The following DCC variants were observed in gnomAD, a reference collection of about 807,000 sequenced individuals.
DCC encodes netrin receptor DCC.
A neutral mutation model predicts 172.5 loss-of-function variants in DCC; 58 were observed. That is an observed-to-expected ratio of 0.34 (90% CI 0.27 to 0.42). The LOEUF (loss-of-function observed/expected upper bound fraction) is 0.42, where lower values mean the gene tolerates loss of function less well. Ranked by LOEUF, DCC falls within the 10% of genes least tolerant of loss-of-function variation. The pLI, the probability that DCC is intolerant of heterozygous loss-of-function variation, is 1.00. For missense variants in DCC, 1,740 were observed against 1,791.0 expected (o/e 0.97, Z 0.51); for synonymous variants, 709 against 644.5 (o/e 1.10, Z -1.52).
chr18:52,933,695 T>G (rs1351219970), intron 5 of DCC, among the ~76,000 whole-genome samples: 1 of 152,054 alleles, frequency 6.6e-6, no homozygotes, highest in Non-Finnish European at 1.5e-5. Flanking sequence ...TAGCCAGCTA[T>G]GTAAACCTCT....
chr18:52,340,914 C>T, intron 1 of DCC, 36 bp downstream of exon 1: 1 of 1,445,504 alleles, frequency 6.9e-7, no homozygotes, highest in Non-Finnish European at 9.7e-7. Context: ...GTCGCACCCC[C>T]TTCCGTACCC....
At chr18:53,045,878 A>G (rs1410316672) in intron 5 of DCC, among the ~76,000 whole-genome samples, 2 of 151,930 alleles carry the variant, frequency 1.3e-5, no homozygotes, top group African/African-American at 4.8e-5. Flanking sequence ...TGGCTTTTAA[A>G]TATTCAGCAA....
intron 3 of DCC, among the ~76,000 whole-genome samples, chr18:52,909,502 ATG>A (rs1163114001): frequency 3.9e-5 from 6 of 152,142 alleles, no homozygotes; most frequent in African/African-American, 1.4e-4. Context: ...GTTTGAATTT[ATG>A]TGTGTTTATA....
intron 8 of DCC, among the ~76,000 whole-genome samples, chr18:53,161,800 C>T (rs1401655672): frequency 2.0e-5 from 3 of 152,004 alleles, no homozygotes; most frequent in East Asian, 3.9e-4. Context: ...TTATGAAATC[C>T]GTCATCAACT....
intron 2 of DCC, among the ~76,000 whole-genome samples, chr18:52,805,308 T>C (rs949503964): frequency 6.6e-6 from 1 of 152,204 alleles, no homozygotes; most frequent in South Asian, 2.1e-4. Flanking sequence ...AAAAGTCATC[T>C]TAGGAACTTT....
intron 1 of DCC, among the ~76,000 whole-genome samples, chr18:52,418,878 T>G (rs1206877249): frequency 1.1e-4 from 10 of 90,714 alleles, no homozygotes; most frequent in African/African-American, 9.6e-5. Context: ...TTTTTTTTTT[T>G]GAGATGGAGT....
rs116921679 is a variant in DCC at position 53,127,339 on chromosome 18, T to G, written c.1262-30017T>G. On this transcript the variant is annotated intron_variant, in intron 7 of 28. Transcript: ENST00000442544. Reference sequence around the variant, plus strand: ...TAATTCTTAATGGTCATCAGGATTATTCGGATAGAGCTTCCGATTCCCTCA... The same window carrying G: ...TAATTCTTAATGGTCATCAGGATTAGTCGGATAGAGCTTCCGATTCCCTCA... Among the ~76,000 whole-genome samples the G allele has an allele frequency of 8.0e-3, 1,211 of 152,068 alleles. 16 individuals carry two copies. The highest frequency in any genetic ancestry group is 0.01 in the Middle Eastern group (3 of 294).
chr18:52,845,082 T>C (rs2038864185), intron 2 of DCC, among the ~76,000 whole-genome samples: 1 of 152,146 alleles, frequency 6.6e-6, no homozygotes, highest in Non-Finnish European at 1.5e-5. Context: ...CAGTGAAAAA[T>C]GAACTCACTG....
chr18:53,076,305 T>C (rs1324745222), intron 7 of DCC, among the ~76,000 whole-genome samples: 1 of 152,156 alleles, frequency 6.6e-6, no homozygotes, highest in Non-Finnish European at 1.5e-5. Flanking sequence ...CTGGGAGTCA[T>C]GGTAAGCAGT....
In DCC at chr18:52,462,681, C is replaced by T. The variant is rs375570461; in HGVS notation, c.91+121803C>T. 3.9e-5 allele frequency among the ~76,000 whole-genome samples: 6 copies of T among 151,946 alleles called. No homozygotes were observed. The South Asian group carries it at 1.2e-3, about 32-fold the overall frequency. Reference sequence around the variant, plus strand: ...TAGGACTCACTACCATGTCATACACCGTCTGTTTGTTTATGTATTATTATT... The same window carrying T: ...TAGGACTCACTACCATGTCATACACTGTCTGTTTGTTTATGTATTATTATT... On this transcript the variant is annotated intron_variant, in intron 1 of 28. Coordinates refer to ENST00000442544, the MANE Select transcript of DCC (RefSeq NM_005215.4).
chr18:53,522,403 A>G (rs2046408669), intron 27 of DCC, among the ~76,000 whole-genome samples: 1 of 152,136 alleles, frequency 6.6e-6, no homozygotes, highest in African/African-American at 2.4e-5. Flanking sequence ...ATCTTCACAG[A>G]ATTAGAAAAA....
At chr18:53,471,078 A>G (rs555280193) in intron 25 of DCC, among the ~76,000 whole-genome samples, 3 of 152,160 alleles carry the variant, frequency 2.0e-5, no homozygotes, top group Non-Finnish European at 4.4e-5. Context: ...TATCCAAGCT[A>G]CCATCATCTC....
intron 2 of DCC, among the ~76,000 whole-genome samples, chr18:52,896,454 T>C (rs916081604): frequency 2.0e-5 from 3 of 152,170 alleles, no homozygotes; most frequent in African/African-American, 7.2e-5. Context: ...CACTATTCAT[T>C]ATTTGCTATC....
intron 27 of DCC, among the ~76,000 whole-genome samples, chr18:53,513,668 T>G (rs938877473): frequency 2.0e-5 from 3 of 151,918 alleles, no homozygotes; most frequent in African/African-American, 7.3e-5. Context: ...GCAATCCTAG[T>G]TCTGATAAAA....
intron 7 of DCC, among the ~76,000 whole-genome samples, chr18:53,118,104 A>G (rs1427245200): frequency 6.6e-6 from 1 of 151,714 alleles, no homozygotes. Context: ...CCAATGCTTC[A>G]TTTGCATTTA....
intron 7 of DCC, among the ~76,000 whole-genome samples, chr18:53,113,844 C>T (rs2043372223): frequency 6.6e-6 from 1 of 151,298 alleles, no homozygotes; most frequent in South Asian, 2.1e-4. Flanking sequence ...ATTTCAGAAC[C>T]ATACTGCTTC....
chr18:53,263,305 C>A (rs1046519205), intron 12 of DCC, among the ~76,000 whole-genome samples: 1 of 152,058 alleles, frequency 6.6e-6, no homozygotes, highest in Non-Finnish European at 1.5e-5. Context: ...GTGCCTGCCA[C>A]CATGTCTGGC....
intron 1 of DCC, among the ~76,000 whole-genome samples, chr18:52,510,837 G>A (rs1387823141): frequency 6.6e-6 from 1 of 152,078 alleles, no homozygotes; most frequent in Non-Finnish European, 1.5e-5. Flanking sequence ...CCTATTGTAT[G>A]TTTCTGTATG....
chr18:53,364,727 C>CTTAT (rs2057983436), intron 15 of DCC, among the ~76,000 whole-genome samples: 2 of 152,158 alleles, frequency 1.3e-5, no homozygotes, highest in East Asian at 1.9e-4. Context: ...TTTCCAGATT[C>CTTAT]TTATTTATCC....
Sources: allele counts gnomAD v4.1 joint callset (sites outside exome capture counted in the v4.1 genomes callset), GRCh38; gene constraint gnomAD v4.1.1; transcripts MANE v1.5; gene names NCBI Gene and HGNC (gene_info 2026-07-23, HGNC 2026-07-21).